Variants in EPRS1 observed in about 807,000 individuals in gnomAD.
EPRS1 encodes the protein bifunctional glutamate/proline--tRNA ligase.
Under a neutral mutation model 188.3 loss-of-function variants are expected in EPRS1, and 107 were observed. The observed-to-expected ratio is 0.57, with a 90% confidence interval of 0.49 to 0.67. The LOEUF (loss-of-function observed/expected upper bound fraction) is 0.67. Ranked by LOEUF, EPRS1 falls within the 30% of genes least tolerant of loss-of-function variation. The pLI is 0.00. For missense variants in EPRS1, 1,577 were observed against 1,802.2 expected (o/e 0.88, Z 2.26); for synonymous variants, 596 against 593.1 (o/e 1.00, Z -0.07).
intron 12 of EPRS1, among the ~76,000 whole-genome samples, 193 bp from the exon 13 acceptor site, chr1:220,011,249 T>G (rs1055791669): frequency 3.3e-5 from 5 of 152,162 alleles, no homozygotes; most frequent in Admixed American, 6.5e-5. Context: ...CAAGACTACA[T>G]GAAGGATTTA....
intron 5 of EPRS1, 87 bp from the exon 6 acceptor site, chr1:220,030,567 C>A: frequency 1.1e-6 from 1 of 884,466 alleles, no homozygotes; most frequent in Non-Finnish European, 1.9e-6. Context: ...CCAGGCACTA[C>A]ACACACTGGT....
chr1:219,980,198 G>A lies in EPRS1; in HGVS notation c.3598C>T (p.Leu1200Phe). 1 of 1,613,216 alleles carries A rather than the reference G, an allele frequency of 6.2e-7. No homozygotes were observed. Among genetic ancestry groups the A allele is most frequent in the Non-Finnish European group, 8.5e-7 (1 of 1,179,416 alleles). ...CCTTTAACAACAGGAATTGCCAGGA[G>A]TTCTTCATATACCTGAGCATATAAG... ...LDLYAQVYEELLAIPVVKGRK... is the reference protein window; with the variant it reads ...LDLYAQVYEEFLAIPVVKGRK... Residue 1200 changes from leucine (L) to phenylalanine (F), a missense_variant, in exon 26 of 32, where the codon CTC becomes TTC. Transcript: ENST00000366923.
chr1:220,045,626 T>C (rs1204228512), intron 1 of EPRS1, among the ~76,000 whole-genome samples: 1 of 152,144 alleles, frequency 6.6e-6, no homozygotes, highest in Non-Finnish European at 1.5e-5. Flanking sequence ...GAAAAAATAA[T>C]TCCAAACAGA....
intron 20 of EPRS1, among the ~76,000 whole-genome samples, chr1:219,985,424 A>T (rs1386905821): frequency 6.6e-6 from 1 of 152,020 alleles, no homozygotes; most frequent in Non-Finnish European, 1.5e-5. Flanking sequence ...AAACAGTCTC[A>T]CCCCATCGCC....
At position 219,983,116 on chromosome 1, in the gene EPRS1, T is replaced by C. The variant is rs1410321283; in HGVS notation, c.3300+73A>G. The C allele has an allele frequency of 3.4e-5, 43 of 1,263,830 alleles. 1 individual carries two copies. Among genetic ancestry groups the C allele is most frequent in the Non-Finnish European group, 3.4e-5 (30 of 894,984 alleles). The allele number at this position is 1,263,830 out of a possible 1,614,324, so 78.3% of individuals were successfully genotyped here. A position where few individuals can be genotyped will look rare whatever the true frequency, so the allele number is the denominator to read the frequency against. On this transcript the variant is annotated intron_variant, in intron 22 of 31. Coordinates refer to ENST00000366923, the MANE Select transcript of EPRS1 (RefSeq NM_004446.3). ...TGGCTTTATATTTTTCAAAATTGGT[T>C]GTTAAAAGTTGAAAATATATTTTCC...
intron 1 of EPRS1, among the ~76,000 whole-genome samples, chr1:220,043,472 A>T (rs1055969090): frequency 2.0e-5 from 3 of 152,238 alleles, no homozygotes; most frequent in Admixed American, 2.0e-4. Context: ...ACTATCTCGC[A>T]AACATCATAA....
chr1:220,022,225 A>G (rs2102590463), intron 9 of EPRS1, 122 bp downstream of exon 9: 1 of 802,572 alleles, frequency 1.2e-6, no homozygotes, highest in East Asian at 2.6e-5. Context: ...GCCACCAGCC[A>G]GTGAACCCAT....
Position 220,035,033 on chromosome 1 carries a change from T to C in EPRS1, c.132-20A>G. 8.1e-7 allele frequency: 1 copy of C among 1,236,076 alleles called. No homozygotes were observed. The highest frequency in any genetic ancestry group is 1.2e-6 in the Non-Finnish European group (1 of 863,338). 76.6% of individuals were successfully genotyped at this position (1,236,076 alleles called of 1,614,324 possible). On this transcript the variant is annotated intron_variant, in intron 2 of 31. Transcript: ENST00000366923. ...ACATTTCTAGAATATAAGCACGAGA[T>C]AAAATATTACTGCTGCTCTAGCAAA...
chr1:220,030,270 TA>T, intron 6 of EPRS1, 115 bp downstream of exon 6: 1 of 634,206 alleles, frequency 1.6e-6, no homozygotes, highest in Non-Finnish European at 2.7e-6. Flanking sequence ...CTCTCACAAT[TA>T]AAATCTTATG....
intron 5 of EPRS1, 100 bp from the exon 6 acceptor site, chr1:220,030,580 T>C (rs1662065197): frequency 7.7e-6 from 6 of 781,620 alleles, no homozygotes; most frequent in Non-Finnish European, 1.3e-5. Flanking sequence ...ACACTGGTTA[T>C]GAAAAATATG....
At position 219,971,795 on chromosome 1, in the gene EPRS1, T is replaced by TATATATATATACACAC. The variant is rs140568859; in HGVS notation, c.4323+273_4323+274insGTGTGTATATATATAT. On this transcript the variant is annotated intron_variant, in intron 30 of 31. Transcript: ENST00000366923. ...GTAGAAAACAAAGACTATATATATA[T>TATATATATATACACAC]ACATATACACACACACTATATTTAT... Among the ~76,000 whole-genome samples the TATATATATATACACAC allele has an allele frequency of 5.3e-4, 57 of 108,428 alleles. 5 individuals carry two copies. In the East Asian group the frequency reaches 0.014, roughly 27 times the overall value. The allele number at this position is 108,428 out of a possible 152,430, so 71.1% of individuals were successfully genotyped here.
At chr1:219,978,512 T>C (rs775201296) in intron 28 of EPRS1, 34 bp downstream of exon 28, 2 of 1,481,232 alleles carry the variant, frequency 1.4e-6, no homozygotes, top group Admixed American at 4.3e-5. Flanking sequence ...AAATTGCAGA[T>C]GTTGGGGGTA....
intron 28 of EPRS1, among the ~76,000 whole-genome samples, chr1:219,974,685 A>C (rs1039494554): frequency 1.3e-5 from 2 of 152,168 alleles, no homozygotes; most frequent in East Asian, 3.9e-4. Flanking sequence ...TTAAAAAAAA[A>C]CCACAATGGA....
chr1:220,005,099 GT>G (rs1343342197), intron 16 of EPRS1, 148 bp downstream of exon 16: 5 of 397,462 alleles, frequency 1.3e-5, no homozygotes, highest in Non-Finnish European at 1.8e-5. Flanking sequence ...TAAATTACTT[GT>G]CTAAAATGTT....
chr1:220,032,155 A>G (rs1167880114), intron 5 of EPRS1, among the ~76,000 whole-genome samples: 1 of 151,738 alleles, frequency 6.6e-6, no homozygotes, highest in Non-Finnish European at 1.5e-5. Flanking sequence ...GCTCACTGCA[A>G]GCTCCGCCTC....
chr1:220,003,004 T>C (rs565138506), intron 16 of EPRS1, among the ~76,000 whole-genome samples: 91 of 152,352 alleles, frequency 6.0e-4, no homozygotes, highest in African/African-American at 2.0e-3. Context: ...AGGAATGGAA[T>C]TGATGGATCA....
chr1:219,971,447 T>TA (rs1660662217), intron 30 of EPRS1, among the ~76,000 whole-genome samples: 1 of 152,122 alleles, frequency 6.6e-6, no homozygotes, highest in Non-Finnish European at 1.5e-5. Context: ...AGGCTTAGAA[T>TA]AAGCAACACT....
chr1:219,969,017 A>C, intron 31 of EPRS1, 41 bp downstream of exon 31: 5 of 1,611,474 alleles, frequency 3.1e-6, no homozygotes, highest in Non-Finnish European at 4.2e-6. Flanking sequence ...ATTCCTTTCC[A>C]TTGCAATTTT....
At chr1:220,027,876 G>A (rs55675937) in intron 6 of EPRS1, among the ~76,000 whole-genome samples, 16,948 of 151,662 alleles carry the variant, frequency 0.11, 1,423 homozygotes, top group East Asian at 0.33. Flanking sequence ...AAAAAGGGCT[G>A]TATGTGATAT....
Sources: gnomAD v4.1 joint callset for allele counts (sites outside exome capture counted in the v4.1 genomes callset) on GRCh38, gnomAD v4.1.1 for gene constraint, MANE v1.5 for transcripts, NCBI Gene and HGNC (gene_info 2026-07-23, HGNC 2026-07-21) for gene names.